IQSEC3: variants seen among roughly 807,000 people sequenced by gnomAD.
IQSEC3 encodes IQ motif and SEC7 domain-containing protein 3.
Under a neutral mutation model 105.4 loss-of-function variants are expected in IQSEC3, and 50 were observed. The observed-to-expected ratio is 0.47, with a 90% CI of 0.38 to 0.60. The LOEUF (loss-of-function observed/expected upper bound fraction) is 0.60, where lower values mean the gene tolerates loss of function less well. IQSEC3 is among the 20% of genes least tolerant of loss of function. The pLI is 0.00. For synonymous variants in IQSEC3, 708 were observed against 746.0 expected (o/e 0.95, Z 0.83); for missense variants, 1,415 against 1,630.0 (o/e 0.87, Z 2.27).
rs1047149971 is a variant in IQSEC3, at chr12:136,694, G to A, written c.904-1573G>A. Among the ~76,000 whole-genome samples, 6 of 152,288 alleles carry A rather than the reference G, an allele frequency of 3.9e-5. 1 individual carries two copies. ...CCATCCCGATTCTTCGTTCATTCGGGAAGGACACCACGTGTAAGTGGCATG... is the reference window on the plus strand; with the variant it reads ...CCATCCCGATTCTTCGTTCATTCGGAAAGGACACCACGTGTAAGTGGCATG... On this transcript the variant is annotated intron_variant, in intron 3 of 13. Transcript: ENST00000538872.
chr12:157,399 G>C lies in IQSEC3; in HGVS notation c.2277-129G>C, dbSNP rs556023158. Reference sequence around the variant, plus strand: ...GGGAAAAAGACCAGAGTATGGGACAGACACTGGTCTCCCTGGACCTAAAGC... The same window carrying C: ...GGGAAAAAGACCAGAGTATGGGACACACACTGGTCTCCCTGGACCTAAAGC... On this transcript the variant is annotated intron_variant, in intron 6 of 13. Coordinates refer to ENST00000538872, the MANE Select transcript of IQSEC3 (RefSeq NM_001170738.2). The C allele has an allele frequency of 6.0e-6, 7 of 1,162,614 alleles. No homozygotes were observed. In the South Asian group the frequency reaches 1.1e-4, roughly 19 times the overall value. 72.0% of individuals were successfully genotyped at this position (1,162,614 alleles called of 1,614,324 possible).
At chr12:71,457 A>G (rs1555067502) in intron 1 of IQSEC3, among the ~76,000 whole-genome samples, 1 of 152,290 alleles carries the variant, frequency 6.6e-6, no homozygotes, top group Non-Finnish European at 1.5e-5. Flanking sequence ...GCCTAAAGCA[A>G]TCCTCTATCA....
At chr12:91,659 G>GT (rs1383863691) in intron 1 of IQSEC3, among the ~76,000 whole-genome samples, 1 of 152,174 alleles carries the variant, frequency 6.6e-6, no homozygotes, top group African/African-American at 2.4e-5. Context: ...CATGCCTGTG[G>GT]TCCCAACTAC....
chr12:68,376 T>C (rs2136850035), intron 1 of IQSEC3, among the ~76,000 whole-genome samples: 1 of 152,370 alleles, frequency 6.6e-6, no homozygotes, highest in African/African-American at 2.4e-5. Context: ...AACCCTTTTT[T>C]CCCGGTTATC....
At chr12:73,346 T>G (rs1555068066) in intron 1 of IQSEC3, among the ~76,000 whole-genome samples, 1 of 152,294 alleles carries the variant, frequency 6.6e-6, no homozygotes, top group Non-Finnish European at 1.5e-5. Context: ...AGACTTGTCG[T>G]AAAGTTGTAA....
chr12:86,251 T>C (rs1423240090), intron 1 of IQSEC3, among the ~76,000 whole-genome samples: 1 of 152,098 alleles, frequency 6.6e-6, no homozygotes, highest in African/African-American at 2.4e-5. Flanking sequence ...GGGAAGGCTT[T>C]GTGGGAGGAA....
At chr12:131,061 C>A (rs890035621) in intron 3 of IQSEC3, among the ~76,000 whole-genome samples, 7 of 93,868 alleles carry the variant, frequency 7.5e-5, no homozygotes, top group Non-Finnish European at 1.6e-4. Context: ...ACTGTGCCCC[C>A]CAGCTAGCGG....
At chr12:153,390 G>A (rs975476557) in intron 5 of IQSEC3, among the ~76,000 whole-genome samples, 73 of 152,236 alleles carry the variant, frequency 4.8e-4, no homozygotes, top group African/African-American at 1.5e-3. Context: ...CGTTGGGAGC[G>A]TCTGCAGTGC....
intron 2 of IQSEC3, among the ~76,000 whole-genome samples, chr12:116,464 C>A (rs1201257090): frequency 6.6e-6 from 1 of 152,224 alleles, no homozygotes; most frequent in African/African-American, 2.4e-5. Flanking sequence ...TTTGTGGTTC[C>A]TGATGGTCAC....
chr12:155,202 C>T (rs897612395), intron 5 of IQSEC3, among the ~76,000 whole-genome samples: 2 of 152,226 alleles, frequency 1.3e-5, no homozygotes, highest in African/African-American at 4.8e-5. Context: ...AGCAGCCTCT[C>T]GCCTGGCTGG....
chr12:127,449 G>C (rs1555083839), intron 3 of IQSEC3, among the ~76,000 whole-genome samples: 1 of 152,174 alleles, frequency 6.6e-6, no homozygotes, highest in Non-Finnish European at 1.5e-5. Context: ...GCGGGAGGCG[G>C]AGGTTGCAGT....
At chr12:123,164 G>C (rs547707347) in intron 2 of IQSEC3, among the ~76,000 whole-genome samples, 141 of 152,326 alleles carry the variant, frequency 9.3e-4, no homozygotes, top group Non-Finnish European at 1.1e-3. Context: ...CAGCACTTTG[G>C]GAGGCTGAGA....
chr12:146,334 A>C (rs1265959238), intron 5 of IQSEC3, among the ~76,000 whole-genome samples: 1 of 152,224 alleles, frequency 6.6e-6, no homozygotes, highest in Non-Finnish European at 1.5e-5. Context: ...AAAGAGGCCC[A>C]GGCAGGGATT....
chr12:137,038 G>T (rs540754855), intron 3 of IQSEC3, among the ~76,000 whole-genome samples: 3 of 151,828 alleles, frequency 2.0e-5, no homozygotes, highest in Non-Finnish European at 4.4e-5. Context: ...ATGCCCCCGA[G>T]CCCACCCCAC....
intron 5 of IQSEC3, among the ~76,000 whole-genome samples, chr12:142,894 G>GT (rs1267538631): frequency 6.6e-6 from 1 of 152,186 alleles, no homozygotes; most frequent in Non-Finnish European, 1.5e-5. Flanking sequence ...CCAGGGTGAG[G>GT]TGCTGGCCCC....
chr12:108,376 A>G (rs1442950508), intron 2 of IQSEC3, among the ~76,000 whole-genome samples: 1 of 152,224 alleles, frequency 6.6e-6, no homozygotes, highest in African/African-American at 2.4e-5. Flanking sequence ...AAGAGCATGT[A>G]ATTCACAGGT....
At position 157,034 on chromosome 12, in the gene IQSEC3, G is replaced by A. The variant is rs782060918; in HGVS notation, c.2163G>A (p.Val721=). The A allele has an allele frequency of 2.5e-6, 4 of 1,602,520 alleles. No homozygotes were observed. The highest frequency in any genetic ancestry group is 1.7e-5 in the Admixed American group (1 of 58,792). ...QFNRDVLDCV[V]DEMDFSSMEL... Reference sequence around the variant, plus strand: ...CCCTGCCTGCCCTCAGCTGCGTGGTGGACGAGATGGACTTCTCCAGCATGG... The same window carrying A: ...CCCTGCCTGCCCTCAGCTGCGTGGTAGACGAGATGGACTTCTCCAGCATGG... The change falls in exon 6 of 14, where the codon GTG becomes GTA. Residue 721 remains valine (V), a synonymous_variant. Transcript: ENST00000538872.
At chr12:98,907 G>A (rs1279972534) in intron 1 of IQSEC3, among the ~76,000 whole-genome samples, 1 of 152,210 alleles carries the variant, frequency 6.6e-6, no homozygotes, top group East Asian at 1.9e-4. Context: ...CAAGGAGGCT[G>A]CACACAGGAG....
intron 1 of IQSEC3, among the ~76,000 whole-genome samples, chr12:88,967 T>C (rs1864000730): frequency 6.6e-6 from 1 of 152,216 alleles, no homozygotes; most frequent in Non-Finnish European, 1.5e-5. Flanking sequence ...AGTTTCATAT[T>C]CAAGTCTTGC....
Sources: allele counts gnomAD v4.1 joint callset (sites outside exome capture counted in the v4.1 genomes callset), GRCh38; gene constraint gnomAD v4.1.1; transcripts MANE v1.5; gene names NCBI Gene and HGNC (gene_info 2026-07-23, HGNC 2026-07-21).